Variants in GPM6A observed in about 807,000 individuals in gnomAD.
GPM6A encodes neuronal membrane glycoprotein M6-a.
A neutral mutation model predicts 32.1 loss-of-function variants in GPM6A; 7 were observed. That is an observed-to-expected ratio of 0.22 (90% CI 0.12 to 0.41). The LOEUF (loss-of-function observed/expected upper bound fraction) is 0.41, where lower values mean the gene tolerates loss of function less well. Ranked by LOEUF, GPM6A falls within the 10% of genes least tolerant of loss-of-function variation. The pLI is 1.00. For synonymous variants in GPM6A, 130 were observed against 123.4 expected, an observed-to-expected ratio of 1.05 and a Z score of -0.35; for missense variants, 235 against 347.2, an observed-to-expected ratio of 0.68 and a Z score of 2.57.
intron 1 of GPM6A, among the ~76,000 whole-genome samples, chr4:175,802,880 G>T (rs542609827): frequency 2.6e-5 from 4 of 152,156 alleles, no homozygotes; most frequent in African/African-American, 9.6e-5. Flanking sequence ...AATAAAAAAA[G>T]AAAATCTATT....
Position 175,859,129 on chromosome 4 carries a change from G to A in GPM6A, c.-22-46880C>T, listed in dbSNP as rs544941735. Among the ~76,000 whole-genome samples, 5 of 152,244 alleles carry A rather than the reference G, an allele frequency of 3.3e-5. No homozygotes were observed. In the South Asian group the frequency reaches 6.2e-4, roughly 19 times the overall value. ...AAGAGGCATGAAGAAAGCTGAGGAA[G>A]GATGTATACATGTTAAATGTCTTAA... is the stretch of plus-strand genomic sequence containing the variant. On this transcript the variant is annotated intron_variant, in intron 1 of 7. Transcript: ENST00000280187.
At chr4:175,782,469 T>A (rs1301390148) in intron 1 of GPM6A, among the ~76,000 whole-genome samples, 1 of 152,180 alleles carries the variant, frequency 6.6e-6, no homozygotes, top group African/African-American at 2.4e-5. Flanking sequence ...TGCTATGTCA[T>A]GTCTTCCTCC....
rs372658253 is a variant in GPM6A, at chr4:175,674,240, C to A, written c.231-404G>T. ...TTGCCCAGTCTGGAGTACAGTGGTGCGATCTCGGCTCGCTGCAACTTCTGC... is the reference window on the plus strand; with the variant it reads ...TTGCCCAGTCTGGAGTACAGTGGTGAGATCTCGGCTCGCTGCAACTTCTGC... On this transcript the variant is annotated intron_variant, in intron 2 of 6. Transcript: ENST00000393658. 4.1e-4 allele frequency among the ~76,000 whole-genome samples: 62 copies of A among 152,184 alleles called. 1 individual carries two copies. The highest frequency in any genetic ancestry group is 1.5e-3 in the African/African-American group (61 of 41,532).
intron 6 of GPM6A, among the ~76,000 whole-genome samples, chr4:175,635,863 T>C (rs1740548667): frequency 6.6e-6 from 1 of 152,096 alleles, no homozygotes; most frequent in Non-Finnish European, 1.5e-5. Flanking sequence ...TTGACAGTTA[T>C]TTACATTCTC....
At chr4:175,861,366 C>T (rs2111420606) in intron 1 of GPM6A, among the ~76,000 whole-genome samples, 1 of 150,808 alleles carries the variant, frequency 6.6e-6, no homozygotes, top group South Asian at 2.1e-4. Flanking sequence ...TATAGCTACG[C>T]ATCTATAACT....
At chr4:175,802,731 T>C (rs1734520119) in intron 1 of GPM6A, among the ~76,000 whole-genome samples, 1 of 152,114 alleles carries the variant, frequency 6.6e-6, no homozygotes, top group African/African-American at 2.4e-5. Context: ...AACTACTTTG[T>C]TAAATTTTAA....
chr4:175,901,642 CTTT>C (rs59429547), intron 1 of GPM6A, among the ~76,000 whole-genome samples: 1 of 119,464 alleles, frequency 8.4e-6, no homozygotes, highest in Non-Finnish European at 1.8e-5. Flanking sequence ...TTTTTTTTTC[CTTT>C]TTTTTTTTTT....
chr4:175,833,148 T>G (rs189295753), intron 1 of GPM6A, among the ~76,000 whole-genome samples: 1 of 152,320 alleles, frequency 6.6e-6, no homozygotes, highest in African/African-American at 2.4e-5. Context: ...AAATGTCTTC[T>G]CTGGAGAGGC....
chr4:175,956,399 A>T (rs1739985705), intron 1 of GPM6A, among the ~76,000 whole-genome samples: 1 of 152,236 alleles, frequency 6.6e-6, no homozygotes, highest in Admixed American at 6.5e-5. Context: ...CTTATATTTC[A>T]TTTGCTCGAA....
At chr4:175,849,327 G>A (rs1292997293) in intron 1 of GPM6A, among the ~76,000 whole-genome samples, 1 of 152,172 alleles carries the variant, frequency 6.6e-6, no homozygotes, top group Non-Finnish European at 1.5e-5. Flanking sequence ...TCACTTCTAA[G>A]CAAAAGCCTG....
chr4:175,863,769 A>G (rs140620131), intron 1 of GPM6A, among the ~76,000 whole-genome samples: 4 of 152,160 alleles, frequency 2.6e-5, no homozygotes, highest in Non-Finnish European at 5.9e-5. Flanking sequence ...TGGGATGCCG[A>G]GGTGGGAGGA....
At chr4:175,813,989 G>T (rs1735024685), upstream of GPM6A, among the ~76,000 whole-genome samples, 1 of 151,302 alleles carries the variant, frequency 6.6e-6, no homozygotes, top group Non-Finnish European at 1.5e-5. Context: ...TTGAGAGAGA[G>T]AAACCATAAG....
At chr4:175,709,627 C>G (rs1045582702) in intron 1 of GPM6A, among the ~76,000 whole-genome samples, 97 of 150,232 alleles carry the variant, frequency 6.5e-4, no homozygotes, top group African/African-American at 2.4e-3. Context: ...ACTCAGGAGG[C>G]TGAGGCAGGA....
chr4:175,915,552 T>G (rs1454508369), intron 1 of GPM6A, among the ~76,000 whole-genome samples: 2 of 152,042 alleles, frequency 1.3e-5, no homozygotes, highest in Non-Finnish European at 2.9e-5. Flanking sequence ...GGTGATCTGC[T>G]CCTTGGCCTC....
intron 1 of GPM6A, among the ~76,000 whole-genome samples, chr4:175,753,883 G>A (rs1560914405): frequency 6.6e-6 from 1 of 151,892 alleles, no homozygotes; most frequent in East Asian, 1.9e-4. Flanking sequence ...CAGCCTTTAG[G>A]TGCTCCATCA....
chr4:175,858,081 G>A (rs1259963578), intron 1 of GPM6A, among the ~76,000 whole-genome samples: 1 of 151,982 alleles, frequency 6.6e-6, no homozygotes, highest in Non-Finnish European at 1.5e-5. Flanking sequence ...CACTGGAGAG[G>A]TAGGCTATGT....
intron 1 of GPM6A, among the ~76,000 whole-genome samples, chr4:175,980,381 C>G (rs1338847355): frequency 2.0e-5 from 3 of 152,046 alleles, no homozygotes; most frequent in African/African-American, 7.2e-5. Context: ...AAACAAAAAC[C>G]TTGAGGCCTC....
In GPM6A at chr4:175,667,091, G is replaced by A. The variant is rs1387511946; in HGVS notation, c.387+6589C>T. Among the ~76,000 whole-genome samples the A allele has an allele frequency of 1.3e-5, 2 of 152,034 alleles. 1 individual carries two copies. Among genetic ancestry groups the A allele is most frequent in the Admixed American group, 1.3e-4 (2 of 15,258 alleles). ...GTATTCTGTAAAAACAAAATAGAGA[G>A]CCATAGAGTATTAACCTTCTATATA... On this transcript the variant is annotated intron_variant, in intron 3 of 6. Transcript: ENST00000393658.
intron 1 of GPM6A, among the ~76,000 whole-genome samples, 180 bp from the exon 2 acceptor site, chr4:175,701,947 C>T (rs961496190): frequency 1.3e-5 from 2 of 152,126 alleles, no homozygotes; most frequent in Non-Finnish European, 2.9e-5. Flanking sequence ...ATAAACCCAT[C>T]CTCCACAAAT....
Sources: allele counts gnomAD v4.1 joint callset (sites outside exome capture counted in the v4.1 genomes callset), GRCh38; gene constraint gnomAD v4.1.1; transcripts MANE v1.5; gene names NCBI Gene and HGNC (gene_info 2026-07-23, HGNC 2026-07-21).